ABCC2: variants seen among roughly 807,000 people sequenced by gnomAD.
The protein encoded by ABCC2 is ATP-binding cassette sub-family C member 2.
In ABCC2, 157 loss-of-function variants were observed where a neutral mutation model predicts 173.4. The observed-to-expected ratio is 0.91, with a 90% CI of 0.80 to 1.03. The LOEUF (loss-of-function observed/expected upper bound fraction) is 1.03, where lower values mean the gene tolerates loss of function less well. Among genes scored for constraint, ABCC2 ranks in the 50% least tolerant of loss-of-function variants. The pLI is 0.00. For missense variants in ABCC2, 1,822 were observed against 1,852.3 expected (o/e 0.98, Z 0.30); for synonymous variants, 657 against 693.5 (o/e 0.95, Z 0.83).
At position 99,851,678 on chromosome 10, in the gene ABCC2, T is replaced by C. The variant is rs970467293; in HGVS notation, c.*47T>C. The C allele has an allele frequency of 2.2e-5, 34 of 1,514,834 alleles. No homozygotes were observed. Among genetic ancestry groups the C allele is most frequent in the Admixed American group, 5.3e-5 (3 of 56,140 alleles). 93.8% of individuals were successfully genotyped at this position (1,514,834 alleles called of 1,614,324 possible). On this transcript the variant is annotated 3_prime_UTR_variant, in exon 32 of 32. Transcript: ENST00000647814. ...AAAGGACTATAAGAATAATTTCTTATTTAATTTTATTTTTTATAAAATACA... is the reference window on the plus strand; with the variant it reads ...AAAGGACTATAAGAATAATTTCTTACTTAATTTTATTTTTTATAAAATACA...
chr10:99,815,897 C>CT (rs1257783497), intron 16 of ABCC2, among the ~76,000 whole-genome samples: 1 of 151,810 alleles, frequency 6.6e-6, no homozygotes, highest in East Asian at 1.9e-4. Flanking sequence ...TTTTGGGAAG[C>CT]TTTTTTCTTG....
At chr10:99,793,505 G>T in intron 3 of ABCC2, 46 bp from the exon 4 acceptor site, 2 of 1,612,842 alleles carry the variant, frequency 1.2e-6, no homozygotes, top group Non-Finnish European at 1.7e-6. Flanking sequence ...CTCAGTCCTC[G>T]GTTAGTGGCA....
intron 2 of ABCC2, among the ~76,000 whole-genome samples, chr10:99,785,772 G>A (rs1420554260): frequency 6.6e-6 from 1 of 151,972 alleles, no homozygotes; most frequent in Non-Finnish European, 1.5e-5. Context: ...TCCTGCCTTG[G>A]CCTCCCAAAG....
intron 10 of ABCC2, 145 bp downstream of exon 10, chr10:99,804,418 C>T: frequency 9.2e-7 from 1 of 1,092,622 alleles, no homozygotes; most frequent in Non-Finnish European, 1.3e-6. Flanking sequence ...TTAGCTGTCT[C>T]TGAGTTCCCT....
At chr10:99,806,051 A>C (rs966424418) in intron 11 of ABCC2, among the ~76,000 whole-genome samples, 1 of 142,222 alleles carries the variant, frequency 7.0e-6, no homozygotes, top group African/African-American at 2.8e-5. Context: ...AGTGATTTTA[A>C]TCTACTACAG....
In ABCC2 at chr10:99,819,089, A is replaced by T; in HGVS notation, c.2440A>T (p.Thr814Ser). 6.2e-7 allele frequency: 1 copy of T among 1,614,004 alleles called. No individual in the cohort carries two copies. The highest frequency in any genetic ancestry group is 8.5e-7 in the Non-Finnish European group (1 of 1,179,954). The change falls in exon 19 of 32, where the codon ACT becomes TCT. Residue 814 changes from threonine to serine, a missense_variant and splice_region_variant. Coordinates refer to ENST00000647814, the MANE Select transcript of ABCC2 (RefSeq NM_000392.5). ...ACACAACTTCATATTATTTTTATAG[A>T]CTCGACTCTTGGTTACACATAGCAT... ...LGPNGLLKGK[T>S]RLLVTHSMHF...
At chr10:99,805,273 C>A (rs1407974816) in intron 10 of ABCC2, 109 bp from the exon 11 acceptor site, 9 of 948,566 alleles carry the variant, frequency 9.5e-6, no homozygotes, top group Non-Finnish European at 1.5e-5. Flanking sequence ...ACCTCAAGTT[C>A]TTACTAAGTG....
chr10:99,851,701 AC>A lies in ABCC2; in HGVS notation c.*71del. 1.4e-6 allele frequency: 2 copies of A among 1,390,334 alleles called. No individual in the cohort carries two copies. Among genetic ancestry groups the A allele is most frequent in the Non-Finnish European group, 2.0e-6 (2 of 1,010,582 alleles). 86.1% of individuals were successfully genotyped at this position (1,390,334 alleles called of 1,614,324 possible). A position where few individuals can be genotyped will look rare whatever the true frequency, so the allele number is the denominator to read the frequency against. On this transcript the variant is annotated 3_prime_UTR_variant, in exon 32 of 32. Transcript: ENST00000647814. ...TATTTAATTTTATTTTTTATAAAATACAGAATACATACAAAAGTGTGTATAA... is the reference window on the plus strand; with the variant it reads ...TATTTAATTTTATTTTTTATAAAATAAGAATACATACAAAAGTGTGTATAA...
At chr10:99,846,850 C>CTG in intron 29 of ABCC2, 111 bp from the exon 30 acceptor site, 1 of 1,435,874 alleles carries the variant, frequency 7.0e-7, no homozygotes. Context: ...CAGCTTCCTG[C>CTG]CTCAGGAATC....
At chr10:99,829,021 G>A (rs994683084) in intron 19 of ABCC2, among the ~76,000 whole-genome samples, 1 of 151,664 alleles carries the variant, frequency 6.6e-6, no homozygotes, top group East Asian at 1.9e-4. Context: ...TAAGTTTTTG[G>A]TCAGCTTCTT....
At chr10:99,788,302 T>C (rs972874013) in intron 2 of ABCC2, among the ~76,000 whole-genome samples, 2 of 152,230 alleles carry the variant, frequency 1.3e-5, no homozygotes, top group African/African-American at 4.8e-5. Context: ...TTTTTCTCTC[T>C]TTTTGTGGAT....
intron 16 of ABCC2, among the ~76,000 whole-genome samples, chr10:99,815,018 G>A (rs2038381871): frequency 1.3e-5 from 2 of 150,658 alleles, no homozygotes; most frequent in Non-Finnish European, 3.0e-5. Context: ...TGCAGAACGT[G>A]TAGGTTTGTT....
At chr10:99,789,715 A>AG (rs1209279219) in intron 2 of ABCC2, among the ~76,000 whole-genome samples, 244 of 148,912 alleles carry the variant, frequency 1.6e-3, no homozygotes, top group African/African-American at 5.5e-3. Flanking sequence ...GTCTCAAAAA[A>AG]AAAAAAAAAA....
In ABCC2 at chr10:99,818,880, C is replaced by A. The variant is rs190598794; in HGVS notation, c.2362C>A (p.Leu788Met). ...AGACATCTATCTTCTAGATGACCCC[C>A]TGTCTGCAGTGGATGCTCATGTAGG... ...NLDIYLLDDPLSAVDAHVGKH... is the reference protein window; with the variant it reads ...NLDIYLLDDPMSAVDAHVGKH... Residue 788 changes from leucine (L) to methionine (M), a missense_variant, in exon 18 of 32, where the codon CTG becomes ATG. By Grantham distance (15) the Leu-to-Met change is conservative. Coordinates refer to ENST00000647814, the MANE Select transcript of ABCC2 (RefSeq NM_000392.5). 1.9e-6 allele frequency: 3 copies of A among 1,614,106 alleles called. No individual in the cohort carries two copies. The East Asian group carries it at 6.7e-5, about 36-fold the overall frequency.
intron 9 of ABCC2, among the ~76,000 whole-genome samples, chr10:99,802,915 T>C (rs570581340): frequency 1.2e-4 from 18 of 152,186 alleles, no homozygotes; most frequent in Non-Finnish European, 2.2e-4. Context: ...TACTACAAGA[T>C]CAGGCATCTA....
rs112878826 is a variant in ABCC2 at position 99,797,170 on chromosome 10, A to G, written c.706A>G (p.Lys236Glu). The stretch of plus-strand genomic sequence containing the variant: ...GGAAGTTGATGAAGAGATGAAAACC[A>G]AGACATTAGTGAGCAAGTTTGAAAC... The part of the protein sequence containing the change: ...VWEVDEEMKT[K>E]TLVSKFETHM... The change falls in exon 7 of 32, where the codon AAG (lysine) becomes GAG (glutamate). Residue 236 changes from lysine to glutamate, a missense_variant. Physicochemically the swap from Lys to Glu is moderately conservative, Grantham distance 56. Coordinates refer to ENST00000647814, the MANE Select transcript of ABCC2 (RefSeq NM_000392.5). 4 of 1,614,050 alleles carry G rather than the reference A, an allele frequency of 2.5e-6. No homozygotes were observed. Among genetic ancestry groups the G allele is most frequent in the African/African-American group, 2.7e-5 (2 of 74,930 alleles).
chr10:99,820,601 AAGAC>A (rs2038516991), intron 19 of ABCC2, among the ~76,000 whole-genome samples: 2 of 152,222 alleles, frequency 1.3e-5, no homozygotes, highest in Admixed American at 1.3e-4. Context: ...CTGCTCAAAA[AAGAC>A]AGAAGAAAAA....
intron 1 of ABCC2, among the ~76,000 whole-genome samples, chr10:99,783,533 T>A (rs1218813082): frequency 3.3e-5 from 5 of 152,164 alleles, no homozygotes; most frequent in African/African-American, 4.8e-5. Context: ...GGACCTTAGA[T>A]TTAGTGATTT....
chr10:99,831,694 T>C lies in ABCC2; in HGVS notation c.2967T>C (p.Asn989=), dbSNP rs2038741359. The C allele has an allele frequency of 1.9e-6, 3 of 1,614,206 alleles. No homozygotes were observed. Among genetic ancestry groups the C allele is most frequent in the Non-Finnish European group, 2.5e-6 (3 of 1,180,032 alleles). The change falls in exon 22 of 32, where the codon AAT becomes AAC. Residue 989 remains asparagine, a synonymous_variant. Transcript: ENST00000647814. ...TCATCATCCTTGCGTTTGTGATGAA[T>C]TCTGTGGCTTTTATTGGATCCAACC... ...IFFIILAFVM[N]SVAFIGSNLW...
Sources: gnomAD v4.1 joint callset for allele counts (sites outside exome capture counted in the v4.1 genomes callset) on GRCh38, gnomAD v4.1.1 for gene constraint, MANE v1.5 for transcripts, NCBI Gene and HGNC (gene_info 2026-07-23, HGNC 2026-07-21) for gene names.